The following ST18 variants were observed in gnomAD, a reference collection of about 807,000 sequenced individuals.
The protein encoded by ST18 is ST18 C2H2C-type zinc finger transcription factor, also known as suppression of tumorigenicity 18 protein.
In ST18, 50 loss-of-function variants were observed where a neutral mutation model predicts 110.0. The ratio of observed to expected loss-of-function variants is 0.45; its 90% CI spans 0.36 to 0.58. The LOEUF (loss-of-function observed/expected upper bound fraction) is 0.58, where lower values mean the gene tolerates loss of function less well. ST18 is among the 20% of genes least tolerant of loss of function. The probability of loss-of-function intolerance (pLI) is 0.00; values close to 1 mark genes in which losing one functional copy is unlikely to be tolerated. For missense variants in ST18, 1,306 were observed against 1,280.1 expected, an observed-to-expected ratio of 1.02 and a Z score of -0.31; for synonymous variants, 461 against 452.4, an observed-to-expected ratio of 1.02 and a Z score of -0.24.
At chr8:52,373,721 A>G (rs920954400) in intron 2 of ST18, among the ~76,000 whole-genome samples, 1 of 152,128 alleles carries the variant, frequency 6.6e-6, no homozygotes, top group African/African-American at 2.4e-5. Context: ...TTATTCTAAT[A>G]CATTATAATA....
intron 2 of ST18, among the ~76,000 whole-genome samples, chr8:52,232,526 CA>C (rs1003602698): frequency 3.4e-4 from 52 of 152,144 alleles, no homozygotes; most frequent in African/African-American, 1.2e-3. Flanking sequence ...ACTTACTTTC[CA>C]AATGGTGCAA....
chr8:52,250,854 A>G (rs1415379610), intron 2 of ST18, among the ~76,000 whole-genome samples: 1 of 152,100 alleles, frequency 6.6e-6, no homozygotes, highest in African/African-American at 2.4e-5. Flanking sequence ...AAATCCTCCA[A>G]TATGATTATA....
Position 52,126,012 on chromosome 8 carries a change from A to G in ST18, c.2755+40T>C, listed in dbSNP as rs1293822861. 2.2e-5 allele frequency: 35 copies of G among 1,566,604 alleles called. 1 individual carries two copies. Among genetic ancestry groups the G allele is most frequent in the Non-Finnish European group, 2.9e-5 (33 of 1,139,660 alleles). ...AACGCTTTGGGGAGCCAGGGTCTAC[A>G]CCCTGCAGGAGGTGGTGACAGCCAG... On this transcript the variant is annotated intron_variant, in intron 23 of 25. Transcript: ENST00000689386.
At chr8:52,136,733 G>A (rs191343249) in intron 18 of ST18, 75 bp from the exon 19 acceptor site, 64 of 1,228,848 alleles carry the variant, frequency 5.2e-5, no homozygotes, top group Admixed American at 2.4e-4. Context: ...ATCCTGAGTC[G>A]TGAACATACG....
chr8:52,164,627 G>A (rs1175588201), intron 12 of ST18, among the ~76,000 whole-genome samples: 1 of 152,184 alleles, frequency 6.6e-6, no homozygotes, highest in Non-Finnish European at 1.5e-5. Flanking sequence ...AATATTTATA[G>A]ACACACAATA....
At chr8:52,187,832 T>C (rs912482897) in intron 8 of ST18, among the ~76,000 whole-genome samples, 2 of 152,204 alleles carry the variant, frequency 1.3e-5, no homozygotes, top group Non-Finnish European at 2.9e-5. Flanking sequence ...CTGAGTTAAT[T>C]TGCATTTCTA....
chr8:52,385,880 T>C (rs1336768692), intron 2 of ST18, among the ~76,000 whole-genome samples: 4 of 152,200 alleles, frequency 2.6e-5, no homozygotes, highest in Non-Finnish European at 2.9e-5. Flanking sequence ...TGGAGATTTC[T>C]GCACTTGGTT....
chr8:52,260,451 C>A (rs2094653176), intron 2 of ST18, among the ~76,000 whole-genome samples: 1 of 137,436 alleles, frequency 7.3e-6, no homozygotes, highest in Admixed American at 6.8e-5. Context: ...GCATCACCAG[C>A]TGCATGAAAT....
chr8:52,215,166 G>A (rs982799665), intron 6 of ST18, among the ~76,000 whole-genome samples: 8 of 152,178 alleles, frequency 5.3e-5, no homozygotes, highest in Admixed American at 2.0e-4. Context: ...TGGTGTGACT[G>A]CAATGGTAAT....
intron 8 of ST18, among the ~76,000 whole-genome samples, chr8:52,207,709 G>A (rs535530077): frequency 7.9e-5 from 12 of 152,160 alleles, no homozygotes; most frequent in South Asian, 2.1e-4. Flanking sequence ...GACTATGAAC[G>A]GACAGAGAGA....
At chr8:52,307,535 C>T (rs1179931219) in intron 2 of ST18, among the ~76,000 whole-genome samples, 1 of 152,126 alleles carries the variant, frequency 6.6e-6, no homozygotes, top group African/African-American at 2.4e-5. Flanking sequence ...TCACCCACTG[C>T]ATAACTTTAA....
At chr8:52,334,182 C>T (rs1590002235) in intron 2 of ST18, among the ~76,000 whole-genome samples, 1 of 152,220 alleles carries the variant, frequency 6.6e-6, no homozygotes, top group African/African-American at 2.4e-5. Context: ...TTCTTCTACA[C>T]TTTAGCCAAC....
chr8:52,324,403 T>G (rs1221016506), intron 2 of ST18, among the ~76,000 whole-genome samples: 3 of 151,994 alleles, frequency 2.0e-5, no homozygotes, highest in Non-Finnish European at 4.4e-5. Flanking sequence ...GTGTGTAGCA[T>G]GGGTCATAAG....
At chr8:52,276,423 A>G (rs2095266456) in intron 2 of ST18, among the ~76,000 whole-genome samples, 1 of 151,894 alleles carries the variant, frequency 6.6e-6, no homozygotes, top group Non-Finnish European at 1.5e-5. Context: ...CCCACACACC[A>G]CACACAACAC....
Position 52,255,198 on chromosome 8 carries a change from G to C in ST18, c.-464-25121C>G, listed in dbSNP as rs576428532. 2.2e-4 allele frequency among the ~76,000 whole-genome samples: 33 copies of C among 152,262 alleles called. No homozygotes were observed. The South Asian group carries it at 6.2e-3, about 29-fold the overall frequency. On this transcript the variant is annotated intron_variant, in intron 2 of 25. Transcript: ENST00000689386. ...GAATGGTCTCTGTGCGGCCCGGAGT[G>C]CTCTATTTCCATGACTGGCTGTCGG...
At chr8:52,150,084 T>C in intron 15 of ST18, 107 bp from the exon 16 acceptor site, 2 of 1,409,236 alleles carry the variant, frequency 1.4e-6, no homozygotes, top group Non-Finnish European at 1.9e-6. Context: ...TATGTAAGTA[T>C]ATCTGCTTTT....
At chr8:52,370,136 A>G (rs1829722753) in intron 2 of ST18, among the ~76,000 whole-genome samples, 1 of 152,154 alleles carries the variant, frequency 6.6e-6, no homozygotes, top group South Asian at 2.1e-4. Context: ...TAGAAGCACC[A>G]CTTTGGTTTT....
chr8:52,215,965 A>G (rs1170236042), intron 6 of ST18, among the ~76,000 whole-genome samples: 1 of 152,236 alleles, frequency 6.6e-6, no homozygotes, highest in African/African-American at 2.4e-5. Context: ...ACCAACACAT[A>G]TTTCTGAGGA....
At chr8:52,357,261 T>A (rs1444744347) in intron 2 of ST18, among the ~76,000 whole-genome samples, 1 of 152,000 alleles carries the variant, frequency 6.6e-6, no homozygotes, top group Non-Finnish European at 1.5e-5. Context: ...GCATTAAGAA[T>A]TGAGAAACAA....
Sources: allele counts gnomAD v4.1 joint callset (sites outside exome capture counted in the v4.1 genomes callset), GRCh38; gene constraint gnomAD v4.1.1; transcripts MANE v1.5; gene names NCBI Gene and HGNC (gene_info 2026-07-23, HGNC 2026-07-21).